Variants in ZNF25 observed in about 807,000 individuals in gnomAD.
The protein encoded by ZNF25 is zinc finger protein 25.
ZNF25 carries 21 observed loss-of-function variants against 30.9 expected under a neutral mutation model. The ratio of observed to expected loss-of-function variants is 0.68; its 90% CI spans 0.48 to 0.98. ZNF25 has a LOEUF of 0.98. Among genes scored for constraint, ZNF25 ranks in the 50% least tolerant of loss-of-function variants. The pLI is 0.00. For missense variants in ZNF25, 501 were observed against 529.9 expected, an observed-to-expected ratio of 0.95 and a Z score of 0.54; for synonymous variants, 169 against 181.3, an observed-to-expected ratio of 0.93 and a Z score of 0.55.
intron 4 of ZNF25, among the ~76,000 whole-genome samples, chr10:37,955,616 G>C (rs987232474): frequency 6.6e-6 from 1 of 152,168 alleles, no homozygotes; most frequent in Non-Finnish European, 1.5e-5. Context: ...AGCTTCTACA[G>C]GAGTTAATAA....
intron 2 of ZNF25, among the ~76,000 whole-genome samples, chr10:37,970,587 T>C (rs777238719): frequency 1.3e-5 from 2 of 152,230 alleles, no homozygotes; most frequent in Non-Finnish European, 2.9e-5. Flanking sequence ...CCTTTGATTA[T>C]GTAAAGGATG....
intron 2 of ZNF25, among the ~76,000 whole-genome samples, chr10:37,968,887 G>T (rs2063334335): frequency 6.6e-6 from 1 of 152,168 alleles, no homozygotes; most frequent in Non-Finnish European, 1.5e-5. Context: ...AGGGCTGACT[G>T]TAGGACTTGA....
intron 2 of ZNF25, among the ~76,000 whole-genome samples, chr10:37,970,231 C>A (rs184239655): frequency 6.6e-6 from 1 of 152,070 alleles, no homozygotes; most frequent in Non-Finnish European, 1.5e-5. Flanking sequence ...AAATCCTCAA[C>A]AAAATGTTAG....
At chr10:37,961,049 A>C (rs2062842166) in intron 2 of ZNF25, among the ~76,000 whole-genome samples, 1 of 152,132 alleles carries the variant, frequency 6.6e-6, no homozygotes, top group African/African-American at 2.4e-5. Context: ...AAATTAATTA[A>C]AGACTCCTCA....
rs1347384987 is a variant in ZNF25 at position 37,957,505 on chromosome 10, C to T, written c.57G>A (p.Lys19=). Residue 19 remains lysine (K), a synonymous_variant, in exon 3 of 6, where the codon AAG becomes AAA. Coordinates refer to ENST00000302609, the MANE Select transcript of ZNF25 (RefSeq NM_145011.4). ...CAGGGGTCAGTAACTTCCATTCTTC[C>T]TTGGTGAATTCCACAATAACATCCT... ...TLKDVIVEFT[K]EEWKLLTPAQ... 1 of 1,613,828 alleles carries T rather than the reference C, an allele frequency of 6.2e-7. No homozygotes were observed. Among genetic ancestry groups the T allele is most frequent in the Non-Finnish European group, 8.5e-7 (1 of 1,179,850 alleles).
intron 2 of ZNF25, among the ~76,000 whole-genome samples, chr10:37,965,264 A>T (rs1397958598): frequency 6.6e-6 from 1 of 152,038 alleles, no homozygotes; most frequent in Non-Finnish European, 1.5e-5. Flanking sequence ...GTGGGGTTGG[A>T]GCCTCCACAC....
Position 37,959,364 on chromosome 10 carries a change from T to C in ZNF25, c.16-1818A>G, listed in dbSNP as rs2062718782. Among the ~76,000 whole-genome samples, 3 of 152,302 alleles carry C rather than the reference T, an allele frequency of 2.0e-5. No homozygotes were observed. The South Asian group carries it at 6.2e-4, about 32-fold the overall frequency. ...AAAGAAGTATAACACAACTTTGTAA[T>C]TAATTGGAAATTAGTTACTAACCAC... On this transcript the variant is annotated intron_variant, in intron 2 of 5. Coordinates refer to ENST00000302609, the MANE Select transcript of ZNF25 (RefSeq NM_145011.4).
intron 4 of ZNF25, 146 bp from the exon 5 acceptor site, chr10:37,953,904 C>A (rs566025982): frequency 5.6e-6 from 4 of 709,130 alleles, no homozygotes; most frequent in Admixed American, 5.7e-5. Flanking sequence ...GGGAAAAAAA[C>A]CTAAAACAAA....
intron 3 of ZNF25, 93 bp downstream of exon 3, chr10:37,957,327 A>G: frequency 4.1e-6 from 6 of 1,459,138 alleles, no homozygotes; most frequent in Non-Finnish European, 5.6e-6. Flanking sequence ...AGATAATGTC[A>G]ATCATTCAAC....
rs145528535 is a variant in ZNF25, at chr10:37,957,541, G to A, written c.21C>T (p.Pro7=). The stretch of plus-strand genomic sequence containing the variant: ...CCACAATAACATCCTTTAATGTCAC[G>A]GGTCCCTGGAATAACATACTTCAGT... The part of the protein sequence containing the change: MNKFQG[P]VTLKDVIVEF... The change falls in exon 3 of 6, where the codon CCC becomes CCT. Residue 7 remains proline, a synonymous_variant. Coordinates refer to ENST00000302609, the MANE Select transcript of ZNF25 (RefSeq NM_145011.4). 4.5e-5 allele frequency: 72 copies of A among 1,612,282 alleles called. No individual in the cohort carries two copies. In the African/African-American group the frequency reaches 5.5e-4, roughly 12 times the overall value.
chr10:37,957,286 A>G, intron 3 of ZNF25, 134 bp downstream of exon 3: 1 of 1,351,042 alleles, frequency 7.4e-7, no homozygotes, highest in South Asian at 1.4e-5. Context: ...AGTACCCAAA[A>G]TGGATTTATT....
intron 2 of ZNF25, 76 bp from the exon 3 acceptor site, chr10:37,957,622 C>T: frequency 6.7e-7 from 1 of 1,484,250 alleles, no homozygotes; most frequent in Non-Finnish European, 9.0e-7. Context: ...TGTGAACTAG[C>T]TCTTAGTGTA....
At chr10:37,975,109 G>A (rs1218013884) in intron 1 of ZNF25, among the ~76,000 whole-genome samples, 1 of 152,140 alleles carries the variant, frequency 6.6e-6, no homozygotes, top group Non-Finnish European at 1.5e-5. Context: ...AGGCTGCGAA[G>A]GGAAGTAGGG....
intron 2 of ZNF25, among the ~76,000 whole-genome samples, chr10:37,968,148 C>T (rs944841412): frequency 1.3e-5 from 2 of 152,134 alleles, no homozygotes; most frequent in African/African-American, 4.8e-5. Flanking sequence ...ACCTCTGCCT[C>T]CCGGGTTCGA....
In ZNF25 at chr10:37,952,236, G is replaced by T; in HGVS notation, c.1262C>A (p.Thr421Lys). ...SHFIIHQRKH[T>K]GEKPYECQEC... ...CTGACACTCATAGGGCTTCTCCCCT[G>T]TGTGTTTTCTCTGATGTATAATAAA... Residue 421 changes from threonine (T) to lysine (K), a missense_variant, in exon 6 of 6, where the codon ACA (threonine) becomes AAA (lysine). By Grantham distance (78) the Thr-to-Lys change is moderately conservative. Coordinates refer to ENST00000302609, the MANE Select transcript of ZNF25 (RefSeq NM_145011.4). 1 of 1,614,112 alleles carries T rather than the reference G, an allele frequency of 6.2e-7. No homozygotes were observed. The highest frequency in any genetic ancestry group is 1.1e-5 in the South Asian group (1 of 91,074).
chr10:37,953,620 C>T (rs2062322226), intron 5 of ZNF25, 75 bp downstream of exon 5: 1 of 1,349,046 alleles, frequency 7.4e-7, no homozygotes, highest in South Asian at 1.2e-5. Flanking sequence ...TAACTAGTGC[C>T]CTCCCATTTC....
At position 37,952,382 on chromosome 10, in the gene ZNF25, G is replaced by A; in HGVS notation, c.1116C>T (p.Cys372=). 6.2e-7 allele frequency: 1 copy of A among 1,612,912 alleles called. No homozygotes were observed. The highest frequency in any genetic ancestry group is 1.1e-5 in the South Asian group (1 of 90,988). The change falls in exon 6 of 6, where the codon TGC becomes TGT. Residue 372 remains cysteine (C), a synonymous_variant. Transcript: ENST00000302609. Reference sequence around the variant, plus strand: ...CAGCAAAAGATTTGCCACATTCTGTGCATTCATAGGGCTTCTCCCCTGTGT... The same window carrying A: ...CAGCAAAAGATTTGCCACATTCTGTACATTCATAGGGCTTCTCCCCTGTGT... ...RKHTGEKPYE[C]TECGKSFAVN...
intron 2 of ZNF25, among the ~76,000 whole-genome samples, chr10:37,959,424 T>C (rs1359594802): frequency 6.6e-6 from 1 of 152,210 alleles, no homozygotes; most frequent in African/African-American, 2.4e-5. Context: ...CCATAGTGTC[T>C]GTATGTCTCG....
Position 37,952,986 on chromosome 10 carries a change from T to C in ZNF25, c.512A>G (p.Asp171Gly). 1.2e-6 allele frequency: 2 copies of C among 1,614,090 alleles called. No individual in the cohort carries two copies. The highest frequency in any genetic ancestry group is 1.7e-6 in the Non-Finnish European group (2 of 1,180,018). Residue 171 changes from aspartate (D) to glycine (G), a missense_variant, in exon 6 of 6, where the codon GAT becomes GGT. Physicochemically the swap from Asp to Gly is moderately conservative, Grantham distance 94 (BLOSUM62 -1). Coordinates refer to ENST00000302609, the MANE Select transcript of ZNF25 (RefSeq NM_145011.4). ...LIRHQKIHTR[D>G]KTYECKECKK... ...ACATTCTTTACACTCATAGGTTTTA[T>C]CTCTCGTGTGAATTTTCTGATGTCT... is the stretch of plus-strand genomic sequence containing the variant.
Sources: gnomAD v4.1 joint callset for allele counts (sites outside exome capture counted in the v4.1 genomes callset) on GRCh38, gnomAD v4.1.1 for gene constraint, MANE v1.5 for transcripts, NCBI Gene and HGNC (gene_info 2026-07-23, HGNC 2026-07-21) for gene names.